Variants in PHC2 observed in about 807,000 individuals in gnomAD.
The protein encoded by PHC2 is polyhomeotic homolog 2.
PHC2 carries 29 observed loss-of-function variants against 87.4 expected under a neutral mutation model. That is an observed-to-expected ratio of 0.33 (90% CI 0.25 to 0.45). The LOEUF is 0.45. PHC2 is among the 20% of genes least tolerant of loss of function. The probability of loss-of-function intolerance (pLI) is 1.00; values close to 1 mark genes in which losing one functional copy is unlikely to be tolerated. For synonymous variants in PHC2, 438 were observed against 461.7 expected (o/e 0.95, Z 0.66); for missense variants, 857 against 1,136.7 (o/e 0.75, Z 3.54).
intron 1 of PHC2, among the ~76,000 whole-genome samples, chr1:33,416,003 T>G (rs926685347): frequency 2.0e-5 from 3 of 152,042 alleles, no homozygotes; most frequent in African/African-American, 7.2e-5. Flanking sequence ...GAACAGAGCA[T>G]CAGTGACCTG....
At chr1:33,390,671 T>C (rs973482469) in intron 1 of PHC2, among the ~76,000 whole-genome samples, 1 of 143,466 alleles carries the variant, frequency 7.0e-6, no homozygotes, top group Non-Finnish European at 1.5e-5. Context: ...CACATAAATA[T>C]AACAGGAGTC....
In PHC2 at chr1:33,349,201, C is replaced by T. The variant is rs1393254430; in HGVS notation, c.1558+5200G>A. 1.2e-4 allele frequency: 117 copies of T among 975,686 alleles called. No homozygotes were observed. Among genetic ancestry groups the T allele is most frequent in the Non-Finnish European group, 1.3e-4 (109 of 821,818 alleles). The allele number at this position is 975,686 out of a possible 1,614,324, so 60.4% of individuals were successfully genotyped here. On this transcript the variant is annotated intron_variant, in intron 9 of 14. Transcript: ENST00000683057. The surrounding 1 kb of genome is among the most constrained non-coding windows in gnomAD (Gnocchi z 4.2). The stretch of plus-strand genomic sequence containing the variant: ...TCTCCAGCGAAGCCGCAGGCGCCTC[C>T]AAGATAGGGAGTCCACCACCAATAA...
rs192156096 is a variant in PHC2 at position 33,375,348 on chromosome 1, G to C, written c.174+18C>G. ...AGATGATTAAGGAGTATAATTCCCA[G>C]ATCAATTAGACTCTTACCTGCACGG... On this transcript the variant is annotated intron_variant, in intron 2 of 14. Transcript: ENST00000683057. 8.6e-6 allele frequency: 13 copies of C among 1,518,244 alleles called. No homozygotes were observed. The highest frequency in any genetic ancestry group is 1.2e-5 in the Non-Finnish European group (13 of 1,126,230). The allele number at this position is 1,518,244 out of a possible 1,614,324, so 94.0% of individuals were successfully genotyped here.
chr1:33,347,777 G>T, intron 9 of PHC2: 1 of 970,548 alleles, frequency 1.0e-6, no homozygotes, highest in Non-Finnish European at 1.2e-6. Flanking sequence ...GATGAAGAGT[G>T]CCTGGAAAGG....
At chr1:33,414,177 TCACACACACA>T (rs201845759) in intron 1 of PHC2, among the ~76,000 whole-genome samples, 46 of 142,856 alleles carry the variant, frequency 3.2e-4, no homozygotes, top group African/African-American at 4.5e-4. Context: ...TCTCTCTCTG[TCACACACACA>T]CACACACACA....
intron 7 of PHC2, chr1:33,363,835 G>A: frequency 1.0e-6 from 1 of 985,234 alleles, no homozygotes. Flanking sequence ...ACTCCCTTAG[G>A]ACTCGGCTTC....
chr1:33,335,245 A>G (rs1646602928), intron 9 of PHC2: 2 of 985,360 alleles, frequency 2.0e-6, no homozygotes, highest in Non-Finnish European at 2.4e-6. Context: ...ATTGTCTTAG[A>G]CGTGCAAGAC....
chr1:33,337,334 C>T (rs12138794), intron 9 of PHC2, among the ~76,000 whole-genome samples: 64,880 of 151,834 alleles, frequency 0.43, 16,481 homozygotes, highest in African/African-American at 0.73. Flanking sequence ...TTGGACGGCT[C>T]ATTAGTGATT....
At chr1:33,427,108 A>G (rs1650704303) in intron 1 of PHC2, among the ~76,000 whole-genome samples, 1 of 152,168 alleles carries the variant, frequency 6.6e-6, no homozygotes, top group African/African-American at 2.4e-5. Flanking sequence ...TGTGCCACTC[A>G]TTAGCTATGT....
At chr1:33,326,822 A>C (rs934196182) in intron 14 of PHC2, among the ~76,000 whole-genome samples, 1 of 152,016 alleles carries the variant, frequency 6.6e-6, no homozygotes, top group African/African-American at 2.4e-5. Context: ...TGTGGTGGCG[A>C]ATGTCTGTAA....
Position 33,328,942 on chromosome 1 carries a change from G to T in PHC2, c.2353C>A (p.His785Asn), listed in dbSNP as rs1484952740. Residue 785 changes from histidine to asparagine, a missense_variant, in exon 14 of 15, where the codon CAC becomes AAC. His to Asn is a moderately conservative substitution (Grantham distance 68). Around this residue, in one of 3 missense-constraint regions of PHC2, gnomAD observed 832 missense variants for 1,081.8 expected, o/e 0.77. Transcript: ENST00000683057. The part of the protein sequence containing the change: ...MHMRDLVGMG[H>N]HFLPSEPTKW... The stretch of plus-strand genomic sequence containing the variant: ...GTGGGCTCACTTGGCAGGAAGTGGT[G>T]TCCCATGCCCACCAGGTCCCGCATA... 6.2e-7 allele frequency: 1 copy of T among 1,614,006 alleles called. No homozygotes were observed. The highest frequency in any genetic ancestry group is 1.3e-5 in the African/African-American group (1 of 74,928).
intron 1 of PHC2, among the ~76,000 whole-genome samples, chr1:33,410,680 C>T (rs935354784): frequency 2.6e-5 from 4 of 152,164 alleles, no homozygotes; most frequent in Non-Finnish European, 4.4e-5. Context: ...GCAAATAAAA[C>T]CTTAATGGAA....
At chr1:33,414,218 C>CA (rs1553190162) in intron 1 of PHC2, among the ~76,000 whole-genome samples, 8 of 147,516 alleles carry the variant, frequency 5.4e-5, no homozygotes, top group Admixed American at 1.4e-4. Context: ...CACACACACA[C>CA]AAGAAAGGTT....
chr1:33,329,026 T>A lies in PHC2; in HGVS notation c.2269A>T (p.Ser757Cys). The change falls in exon 14 of 15, where the codon AGC becomes TGC. Residue 757 changes from serine to cysteine, a missense_variant. Physicochemically the swap from Ser to Cys is moderately radical, Grantham distance 112. Coordinates refer to ENST00000683057, the MANE Select transcript of PHC2 (RefSeq NM_001385109.1). ...YEEPLSPISA[S>C]SSTSRRRQGQ... ...TGTCGCCGGCGGGAAGTAGATGAGC[T>A]GGCTGAGATGGGTGACAAGGGTTCC... 5 of 1,614,246 alleles carry A rather than the reference T, an allele frequency of 3.1e-6. No homozygotes were observed. Among genetic ancestry groups the A allele is most frequent in the Non-Finnish European group, 4.2e-6 (5 of 1,180,040 alleles).
At chr1:33,392,390 G>A (rs190581945) in intron 1 of PHC2, among the ~76,000 whole-genome samples, 2 of 152,174 alleles carry the variant, frequency 1.3e-5, no homozygotes, top group East Asian at 1.9e-4. Flanking sequence ...TCACATGCGC[G>A]TTCTCACGTT....
intron 1 of PHC2, among the ~76,000 whole-genome samples, chr1:33,429,219 T>G (rs1257974401): frequency 6.6e-6 from 1 of 151,984 alleles, no homozygotes; most frequent in East Asian, 1.9e-4. Context: ...AAGATATGGG[T>G]GACAAAGACC....
chr1:33,365,451 T>C (rs1229700062), intron 7 of PHC2, among the ~76,000 whole-genome samples: 2 of 152,154 alleles, frequency 1.3e-5, no homozygotes, highest in Non-Finnish European at 2.9e-5. Context: ...GGAAGGGGGT[T>C]CTCAGGAAGG....
At chr1:33,421,378 G>GA (rs113975258) in intron 1 of PHC2, among the ~76,000 whole-genome samples, 1 of 151,544 alleles carries the variant, frequency 6.6e-6, no homozygotes, top group South Asian at 2.1e-4. Flanking sequence ...GGGGAAATAA[G>GA]AAAAAAAATA....
At chr1:33,392,990 T>A (rs1649132907) in intron 1 of PHC2, among the ~76,000 whole-genome samples, 2 of 152,192 alleles carry the variant, frequency 1.3e-5, no homozygotes, top group African/African-American at 4.8e-5. Context: ...AAAAGGGGAC[T>A]ATTGAAGCCA....
Sources: allele counts gnomAD v4.1 joint callset (sites outside exome capture counted in the v4.1 genomes callset), GRCh38; gene constraint gnomAD v4.1.1; regional missense constraint gnomAD v4.1.1; non-coding constraint Gnocchi (gnomAD v3.1); transcripts MANE v1.5; gene names NCBI Gene and HGNC (gene_info 2026-07-23, HGNC 2026-07-21).